AFF1: variants seen among roughly 807,000 people sequenced by gnomAD.
AFF1 encodes the protein ALF transcription elongation factor 1.
A neutral mutation model predicts 121.7 loss-of-function variants in AFF1; 48 were observed. The ratio of observed to expected loss-of-function variants is 0.39; its 90% CI spans 0.31 to 0.50. The LOEUF (loss-of-function observed/expected upper bound fraction) is 0.50, where lower values mean the gene tolerates loss of function less well. Among genes scored for constraint, AFF1 ranks in the 20% least tolerant of loss-of-function variants. The pLI, the probability that AFF1 is intolerant of heterozygous loss-of-function variation, is 0.76. For synonymous variants in AFF1, 613 were observed against 563.0 expected (o/e 1.09, Z -1.26); for missense variants, 1,523 against 1,511.7 (o/e 1.01, Z -0.12).
chr4:87,043,809 TTTTC>T (rs553253804), intron 2 of AFF1, among the ~76,000 whole-genome samples: 46 of 139,934 alleles, frequency 3.3e-4, no homozygotes, highest in Admixed American at 1.2e-3. Context: ...GAAGATAATT[TTTTC>T]TTTCTTTCTT....
chr4:86,951,200 G>A (rs983228119), intron 2 of AFF1, among the ~76,000 whole-genome samples: 2 of 152,088 alleles, frequency 1.3e-5, no homozygotes, highest in African/African-American at 2.4e-5. Context: ...TCTTTTAAGC[G>A]GAACACAGGC....
chr4:86,994,383 T>G lies in AFF1; in HGVS notation c.38+45812T>G, dbSNP rs548011895. On this transcript the variant is annotated intron_variant, in intron 2 of 20. Transcript: ENST00000395146. The stretch of plus-strand genomic sequence containing the variant: ...TTGGATTTTTTGAAATGTTGGAAAT[T>G]GTTCATTGATCCTCACTTGCTCCAT... Among the ~76,000 whole-genome samples, 17 of 152,320 alleles carry G rather than the reference T, an allele frequency of 1.1e-4. No homozygotes were observed. The East Asian group carries it at 3.3e-3, about 29-fold the overall frequency.
chr4:86,936,159 T>C (rs1296427792), intron 1 of AFF1: 2 of 152,154 alleles, frequency 1.3e-5, no homozygotes, highest in Non-Finnish European at 2.9e-5. Context: ...TGTCCGAATC[T>C]CCCTTGAACC....
intron 2 of AFF1, among the ~76,000 whole-genome samples, chr4:87,006,299 C>G (rs1322895833): frequency 6.6e-6 from 1 of 152,160 alleles, no homozygotes; most frequent in Non-Finnish European, 1.5e-5. Context: ...CATCCTTGCT[C>G]ATCCAAGTAT....
chr4:87,037,242 CGT>C (rs1729657946), intron 2 of AFF1, among the ~76,000 whole-genome samples: 1 of 152,064 alleles, frequency 6.6e-6, no homozygotes, highest in South Asian at 2.1e-4. Context: ...TTAAAAACAA[CGT>C]TAACAAAATG....
At chr4:86,995,593 C>T (rs952515494) in intron 2 of AFF1, among the ~76,000 whole-genome samples, 5 of 151,450 alleles carry the variant, frequency 3.3e-5, no homozygotes, top group Admixed American at 2.6e-4. Context: ...GGATTGCAGA[C>T]GGAGTCTCCT....
chr4:87,038,062 A>C (rs1439749043), intron 2 of AFF1, among the ~76,000 whole-genome samples: 1 of 152,206 alleles, frequency 6.6e-6, no homozygotes, highest in Non-Finnish European at 1.5e-5. Context: ...GCATTGAGAT[A>C]ATCCCCTGGG....
At chr4:87,015,452 G>A (rs890785859) in intron 2 of AFF1, among the ~76,000 whole-genome samples, 1 of 152,180 alleles carries the variant, frequency 6.6e-6, no homozygotes, top group Non-Finnish European at 1.5e-5. Flanking sequence ...AATTATTAAT[G>A]TTGTTCAGAT....
chr4:86,942,296 C>T (rs1431990886), intron 1 of AFF1, among the ~76,000 whole-genome samples: 1 of 152,226 alleles, frequency 6.6e-6, no homozygotes, highest in Non-Finnish European at 1.5e-5. Flanking sequence ...GAGACATTTT[C>T]TACCAATATC....
At chr4:86,985,182 T>C (rs938635896) in intron 2 of AFF1, among the ~76,000 whole-genome samples, 5 of 7,252 alleles carry the variant, frequency 6.9e-4, no homozygotes, top group African/African-American at 2.2e-3. Flanking sequence ...TATGTATTAC[T>C]ATATATATAT....
Position 87,135,923 on chromosome 4 carries a change from A to G in AFF1, c.*222A>G, listed in dbSNP as rs1254532136. 8.1e-6 allele frequency: 5 copies of G among 618,892 alleles called. No individual in the cohort carries two copies. The highest frequency in any genetic ancestry group is 1.2e-5 in the Non-Finnish European group (5 of 413,970). The allele number at this position is 618,892 out of a possible 1,614,324, so 38.3% of individuals were successfully genotyped here. A position where few individuals can be genotyped will look rare whatever the true frequency, so the allele number is the denominator to read the frequency against. On this transcript the variant is annotated 3_prime_UTR_variant, in exon 21 of 21. Coordinates refer to ENST00000395146, the MANE Select transcript of AFF1 (RefSeq NM_001166693.3). Reference sequence around the variant, plus strand: ...GATGAGGAGGCTGGCCCCAGAGATGATCTTGCCCTTCCTAACTAAAGGACA... The same window carrying G: ...GATGAGGAGGCTGGCCCCAGAGATGGTCTTGCCCTTCCTAACTAAAGGACA...
At chr4:86,981,912 G>A (rs76981275) in intron 2 of AFF1, among the ~76,000 whole-genome samples, 6,400 of 152,264 alleles carry the variant, frequency 0.042, 440 homozygotes, top group African/African-American at 0.15. Context: ...ACAGCAAGGC[G>A]TGTAGTTGTG....
intron 20 of AFF1, 51 bp from the exon 21 acceptor site, chr4:87,135,529 G>T: frequency 6.9e-7 from 1 of 1,452,678 alleles, no homozygotes; most frequent in Non-Finnish European, 9.1e-7. Flanking sequence ...TTTAATTTTT[G>T]TGTGTGCTTG....
chr4:86,997,315 A>AACCTC (rs1725293889), intron 2 of AFF1, among the ~76,000 whole-genome samples: 1 of 152,200 alleles, frequency 6.6e-6, no homozygotes, highest in African/African-American at 2.4e-5. Flanking sequence ...ACCAGCAAGA[A>AACCTC]GGCTTTCACC....
intron 2 of AFF1, among the ~76,000 whole-genome samples, chr4:87,040,996 C>G (rs549483472): frequency 4.6e-5 from 7 of 151,206 alleles, no homozygotes; most frequent in African/African-American, 1.7e-4. Flanking sequence ...CTGCCTCAGC[C>G]TCCTGAGTAG....
chr4:86,947,610 G>A (rs928579813), intron 1 of AFF1, among the ~76,000 whole-genome samples: 4 of 152,166 alleles, frequency 2.6e-5, no homozygotes, highest in African/African-American at 7.2e-5. Flanking sequence ...TTTAATGCAA[G>A]TTAGGATAAG....
intron 2 of AFF1, among the ~76,000 whole-genome samples, chr4:87,015,082 A>G (rs1727165953): frequency 6.6e-6 from 1 of 152,134 alleles, no homozygotes; most frequent in Non-Finnish European, 1.5e-5. Flanking sequence ...TATTGAGTTA[A>G]TATTGCTGGG....
At position 87,127,166 on chromosome 4, in the gene AFF1, TC is replaced by T. The variant is rs367995603; in HGVS notation, c.2903+58del. 484 of 1,085,236 alleles carry T rather than the reference TC, an allele frequency of 4.5e-4. 3 individuals are homozygous for T. The highest frequency in any genetic ancestry group is 8.4e-4 in the East Asian group (26 of 31,110). The allele number at this position is 1,085,236 out of a possible 1,614,324, so 67.2% of individuals were successfully genotyped here. ...TTGCTCTGTTTTGTTTTGTTTTGCT[TC>T]CCCCCCCCACCAAGATAGAGTCTCA... is the stretch of plus-strand genomic sequence containing the variant. On this transcript the variant is annotated intron_variant, in intron 15 of 20. Transcript: ENST00000395146.
At chr4:87,073,225 C>A (rs1722274408) in intron 4 of AFF1, among the ~76,000 whole-genome samples, 1 of 140,488 alleles carries the variant, frequency 7.1e-6, no homozygotes, top group Non-Finnish European at 1.5e-5. Context: ...TGACCTTGAG[C>A]CCTTTTTCTA....
Sources: allele counts gnomAD v4.1 joint callset (sites outside exome capture counted in the v4.1 genomes callset), GRCh38; gene constraint gnomAD v4.1.1; transcripts MANE v1.5; gene names NCBI Gene and HGNC (gene_info 2026-07-23, HGNC 2026-07-21).